ASTN2: variants seen among roughly 807,000 people sequenced by gnomAD.
The protein encoded by ASTN2 is astrotactin-2.
ASTN2 carries 54 observed loss-of-function variants against 139.8 expected under a neutral mutation model. That is an observed-to-expected ratio of 0.39 (90% CI 0.31 to 0.48). The LOEUF is 0.48. Ranked by LOEUF, ASTN2 falls within the 20% of genes least tolerant of loss-of-function variation. The probability of loss-of-function intolerance (pLI) is 0.95; values close to 1 mark genes in which losing one functional copy is unlikely to be tolerated. For missense variants in ASTN2, 1,565 were observed against 1,725.1 expected (o/e 0.91, Z 1.64); for synonymous variants, 756 against 719.5 (o/e 1.05, Z -0.81).
At chr9:117,108,596 A>C (rs1829168612) in intron 4 of ASTN2, among the ~76,000 whole-genome samples, 1 of 152,182 alleles carries the variant, frequency 6.6e-6, no homozygotes, top group South Asian at 2.1e-4. Context: ...TGAATATTCA[A>C]ATAAACACAT....
intron 11 of ASTN2, among the ~76,000 whole-genome samples, chr9:116,836,315 G>A (rs1420022669): frequency 6.6e-6 from 1 of 152,154 alleles, no homozygotes; most frequent in African/African-American, 2.4e-5. Context: ...GTGCTTCAAT[G>A]TCATGGATTA....
At chr9:116,522,580 T>C (rs1207375738) in intron 19 of ASTN2, among the ~76,000 whole-genome samples, 1 of 152,146 alleles carries the variant, frequency 6.6e-6, no homozygotes, top group African/African-American at 2.4e-5. Flanking sequence ...GCTCAGGTGA[T>C]GGGTGCACCA....
chr9:116,434,894 G>T (rs542744998), intron 22 of ASTN2, among the ~76,000 whole-genome samples: 1 of 152,136 alleles, frequency 6.6e-6, no homozygotes, highest in Non-Finnish European at 1.5e-5. Flanking sequence ...ATGTCCTTTC[G>T]TCACTAAATC....
chr9:117,137,319 G>C (rs1358654500), intron 4 of ASTN2, among the ~76,000 whole-genome samples: 4 of 152,122 alleles, frequency 2.6e-5, no homozygotes, highest in Non-Finnish European at 5.9e-5. Context: ...CCATCTTCTG[G>C]AAACTAGTGG....
intron 17 of ASTN2, among the ~76,000 whole-genome samples, chr9:116,627,627 T>C (rs1856530314): frequency 6.6e-6 from 1 of 152,146 alleles, no homozygotes; most frequent in South Asian, 2.1e-4. Context: ...ATTTTATAGA[T>C]TAGGAAACTG....
At chr9:117,031,299 C>T (rs1273526052) in intron 6 of ASTN2, among the ~76,000 whole-genome samples, 6 of 152,140 alleles carry the variant, frequency 3.9e-5, no homozygotes, top group Non-Finnish European at 5.9e-5. Context: ...TCCCTTACTT[C>T]GTTTTTTACA....
chr9:117,012,051 T>G (rs1174501776), intron 6 of ASTN2, among the ~76,000 whole-genome samples: 1 of 152,186 alleles, frequency 6.6e-6, no homozygotes, highest in Non-Finnish European at 1.5e-5. Flanking sequence ...AATCCAACTC[T>G]CAGTAAAATG....
chr9:117,397,905 C>T (rs1029504475), intron 1 of ASTN2, among the ~76,000 whole-genome samples: 1 of 152,190 alleles, frequency 6.6e-6, no homozygotes, highest in African/African-American at 2.4e-5. Context: ...CAGAGACACC[C>T]ACCCCCGACA....
chr9:116,444,970 G>C (rs917014757), intron 20 of ASTN2, among the ~76,000 whole-genome samples: 2 of 152,200 alleles, frequency 1.3e-5, no homozygotes, highest in Non-Finnish European at 2.9e-5. Flanking sequence ...GGTGGGAAGT[G>C]AGAACAGCAT....
At chr9:116,616,967 C>T (rs544055385) in intron 19 of ASTN2, among the ~76,000 whole-genome samples, 1 of 152,254 alleles carries the variant, frequency 6.6e-6, no homozygotes, top group Admixed American at 6.5e-5. Context: ...AGTCAAAAGT[C>T]AGAATTAACA....
At chr9:116,969,791 C>T (rs2132516749) in intron 10 of ASTN2, among the ~76,000 whole-genome samples, 1 of 152,284 alleles carries the variant, frequency 6.6e-6, no homozygotes, top group South Asian at 2.1e-4. Context: ...CACCTGAGGA[C>T]TTCTTAAACC....
At chr9:116,980,976 G>T (rs1158635759) in intron 7 of ASTN2, among the ~76,000 whole-genome samples, 1 of 152,060 alleles carries the variant, frequency 6.6e-6, no homozygotes, top group East Asian at 1.9e-4. Flanking sequence ...CCTGTATAGG[G>T]ATAGGGAACT....
chr9:116,702,569 G>A (rs953570481), intron 16 of ASTN2, among the ~76,000 whole-genome samples: 17 of 152,104 alleles, frequency 1.1e-4, no homozygotes, highest in African/African-American at 4.1e-4. Flanking sequence ...ATGGTGCCTA[G>A]TATAGAATAT....
At chr9:116,487,242 A>T (rs563196143) in intron 20 of ASTN2, 117 bp downstream of exon 20, 1 of 1,305,226 alleles carries the variant, frequency 7.7e-7, no homozygotes. Context: ...CAAGTTGCAC[A>T]TACAGGCTAG....
intron 20 of ASTN2, among the ~76,000 whole-genome samples, chr9:116,462,304 G>A (rs1241760754): frequency 6.6e-6 from 1 of 152,104 alleles, no homozygotes; most frequent in Non-Finnish European, 1.5e-5. Context: ...GGAAGAAATG[G>A]GAGCACAGTG....
At chr9:116,764,861 A>C (rs1829765035) in intron 13 of ASTN2, among the ~76,000 whole-genome samples, 1 of 152,264 alleles carries the variant, frequency 6.6e-6, no homozygotes, top group South Asian at 2.1e-4. Flanking sequence ...AGCAGTATAA[A>C]TTTTAAAAAA....
intron 13 of ASTN2, among the ~76,000 whole-genome samples, chr9:116,755,378 G>A (rs1829507263): frequency 6.6e-6 from 1 of 152,078 alleles, no homozygotes; most frequent in Admixed American, 6.5e-5. Flanking sequence ...TTAAAATGAG[G>A]TCATTAAGAT....
At chr9:116,468,409 A>T (rs1464034581) in intron 20 of ASTN2, among the ~76,000 whole-genome samples, 2 of 152,160 alleles carry the variant, frequency 1.3e-5, no homozygotes, top group African/African-American at 4.8e-5. Flanking sequence ...CCTTGGGCCC[A>T]CCTAAGAGGC....
At chr9:116,780,047 ACT>A (rs1830177836) in intron 13 of ASTN2, among the ~76,000 whole-genome samples, 2 of 152,102 alleles carry the variant, frequency 1.3e-5, no homozygotes, top group African/African-American at 4.8e-5. Context: ...TCACTCACCC[ACT>A]CATTCATTCA....
Sources: allele counts gnomAD v4.1 joint callset (sites outside exome capture counted in the v4.1 genomes callset), GRCh38; gene constraint gnomAD v4.1.1; transcripts MANE v1.5; gene names NCBI Gene and HGNC (gene_info 2026-07-23, HGNC 2026-07-21).